DENND1A: variants seen among roughly 807,000 people sequenced by gnomAD.
DENND1A encodes the protein DENN domain-containing protein 1A.
In DENND1A, 51 loss-of-function variants were observed where a neutral mutation model predicts 113.7. The ratio of observed to expected loss-of-function variants is 0.45; its 90% CI spans 0.36 to 0.57. DENND1A has a LOEUF of 0.57. Ranked by LOEUF, DENND1A falls within the 20% of genes least tolerant of loss-of-function variation. DENND1A has a pLI of 0.00. For synonymous variants in DENND1A, 565 were observed against 570.8 expected (o/e 0.99, Z 0.14); for missense variants, 1,258 against 1,395.9 (o/e 0.90, Z 1.57).
intron 8 of DENND1A, among the ~76,000 whole-genome samples, chr9:123,658,858 T>G (rs1331627396): frequency 6.6e-6 from 1 of 152,200 alleles, no homozygotes; most frequent in Non-Finnish European, 1.5e-5. Context: ...ATTATATAAC[T>G]TACACATATG....
At chr9:123,792,711 A>AGAT in intron 2 of DENND1A, 81 bp from the exon 3 acceptor site, 1 of 1,504,708 alleles carries the variant, frequency 6.6e-7, no homozygotes, top group South Asian at 1.2e-5. Flanking sequence ...TTTGATCAGA[A>AGAT]GATGATAGCA....
chr9:123,561,206 G>A (rs186337544), intron 12 of DENND1A, among the ~76,000 whole-genome samples: 1 of 152,278 alleles, frequency 6.6e-6, no homozygotes, highest in African/African-American at 2.4e-5. Flanking sequence ...TTCGGGAGGT[G>A]TTTAATTACC....
chr9:123,582,586 A>G (rs368317717), intron 12 of DENND1A, among the ~76,000 whole-genome samples: 54 of 152,044 alleles, frequency 3.6e-4, no homozygotes, highest in African/African-American at 1.1e-3. Context: ...TTTTTAGTAG[A>G]GACTGTGTTT....
intron 13 of DENND1A, among the ~76,000 whole-genome samples, chr9:123,514,225 G>A (rs1050725980): frequency 1.3e-5 from 2 of 152,058 alleles, no homozygotes; most frequent in African/African-American, 4.8e-5. Flanking sequence ...GGTGCAATGA[G>A]GAATGCACCA....
chr9:123,513,392 T>A (rs2053615171), intron 13 of DENND1A, among the ~76,000 whole-genome samples: 1 of 152,188 alleles, frequency 6.6e-6, no homozygotes, highest in South Asian at 2.1e-4. Flanking sequence ...AAGAAACACT[T>A]TTTAGGGTGG....
intron 13 of DENND1A, among the ~76,000 whole-genome samples, chr9:123,516,880 G>C: frequency 1.9e-5 from 1 of 53,228 alleles, no homozygotes; most frequent in African/African-American, 1.4e-4. Flanking sequence ...GTGAGACTCT[G>C]TCTCAAAAAA....
chr9:123,448,335 G>A (rs1564507503), intron 18 of DENND1A, among the ~76,000 whole-genome samples: 1 of 152,204 alleles, frequency 6.6e-6, no homozygotes, highest in Non-Finnish European at 1.5e-5. Flanking sequence ...TCATAAGAAG[G>A]GGATTTTCCT....
intron 1 of DENND1A, among the ~76,000 whole-genome samples, chr9:123,896,765 A>T (rs1850820557): frequency 6.6e-6 from 1 of 152,232 alleles, no homozygotes; most frequent in Non-Finnish European, 1.5e-5. Flanking sequence ...GGAAAGATAC[A>T]ACCAGGGAGA....
intron 13 of DENND1A, among the ~76,000 whole-genome samples, chr9:123,484,960 C>T (rs2050669466): frequency 6.6e-6 from 1 of 152,208 alleles, no homozygotes; most frequent in Non-Finnish European, 1.5e-5. Flanking sequence ...GTAGTAACAT[C>T]TGCCTCAAAG....
At chr9:123,421,183 C>T (rs1483124248) in intron 19 of DENND1A, among the ~76,000 whole-genome samples, 1 of 150,604 alleles carries the variant, frequency 6.6e-6, no homozygotes, top group Non-Finnish European at 1.5e-5. Context: ...CTCTCTGGGG[C>T]TACTATTTTC....
chr9:123,685,085 C>A (rs1012804464), intron 5 of DENND1A, among the ~76,000 whole-genome samples: 1 of 152,214 alleles, frequency 6.6e-6, no homozygotes. Context: ...CTCTTCCTTC[C>A]CTACATGTGA....
chr9:123,562,346 G>A (rs10818839), intron 12 of DENND1A, among the ~76,000 whole-genome samples: 24,311 of 151,880 alleles, frequency 0.16, 2,088 homozygotes, highest in African/African-American at 0.21. Flanking sequence ...CATCTATTCA[G>A]CCTCTGAAAG....
intron 3 of DENND1A, among the ~76,000 whole-genome samples, chr9:123,778,784 C>T (rs1830826440): frequency 6.6e-6 from 1 of 152,086 alleles, no homozygotes; most frequent in Non-Finnish European, 1.5e-5. Flanking sequence ...AGGAGCCTGG[C>T]CACACCGCAT....
intron 13 of DENND1A, among the ~76,000 whole-genome samples, chr9:123,511,399 C>A (rs1305341849): frequency 6.6e-6 from 1 of 151,990 alleles, no homozygotes. Flanking sequence ...GCACCTGCTG[C>A]CACAGTGCAC....
intron 1 of DENND1A, among the ~76,000 whole-genome samples, chr9:123,883,800 T>G (rs1048577801): frequency 6.6e-6 from 1 of 151,822 alleles, no homozygotes. Context: ...CCACCTAAGA[T>G]TCTTACTCAG....
intron 13 of DENND1A, among the ~76,000 whole-genome samples, chr9:123,537,379 C>T (rs1450070784): frequency 6.6e-6 from 1 of 151,452 alleles, no homozygotes; most frequent in Non-Finnish European, 1.5e-5. Flanking sequence ...GGAATAACAT[C>T]TCAATAATAT....
At chr9:123,386,548 A>G (rs2042573861) in intron 22 of DENND1A, among the ~76,000 whole-genome samples, 1 of 151,746 alleles carries the variant, frequency 6.6e-6, no homozygotes, top group Non-Finnish European at 1.5e-5. Flanking sequence ...TGCCCAGCTA[A>G]TTTTTGTAGT....
In DENND1A at chr9:123,617,614, C is replaced by T. The variant is rs1192140231; in HGVS notation, c.720-8133G>A. ...GTCAACATCAAAGCCTGGGGTAGCC[C>T]GCCCTTTTGAGCCTCCTTGGCCTAC... On this transcript the variant is annotated intron_variant, in intron 10 of 23. Coordinates refer to ENST00000394215, the MANE Select transcript of DENND1A (RefSeq NM_001352964.2). Among the ~76,000 whole-genome samples, 6 of 152,182 alleles carry T rather than the reference C, an allele frequency of 3.9e-5. No homozygotes were observed. In the East Asian group the frequency reaches 5.8e-4, roughly 15 times the overall value.
chr9:123,623,944 C>T (rs573065283), intron 10 of DENND1A, among the ~76,000 whole-genome samples: 13 of 152,274 alleles, frequency 8.5e-5, no homozygotes, highest in African/African-American at 3.1e-4. Flanking sequence ...GCTCTTATGG[C>T]CTACACTGTT....
Sources: allele counts gnomAD v4.1 joint callset (sites outside exome capture counted in the v4.1 genomes callset), GRCh38; gene constraint gnomAD v4.1.1; transcripts MANE v1.5; gene names NCBI Gene and HGNC (gene_info 2026-07-23, HGNC 2026-07-21).